Variants in ARHGAP12 observed in about 807,000 individuals in gnomAD.
ARHGAP12 encodes rho GTPase-activating protein 12.
A neutral mutation model predicts 108.6 loss-of-function variants in ARHGAP12; 64 were observed. The observed-to-expected ratio is 0.59, with a 90% CI of 0.48 to 0.73. The LOEUF (loss-of-function observed/expected upper bound fraction) is 0.73. Among genes scored for constraint, ARHGAP12 ranks in the 30% least tolerant of loss-of-function variants. The pLI is 0.00. For missense variants in ARHGAP12, 940 were observed against 1,005.9 expected, an observed-to-expected ratio of 0.93 and a Z score of 0.89; for synonymous variants, 312 against 337.2, an observed-to-expected ratio of 0.93 and a Z score of 0.82.
chr10:31,854,130 C>T lies in ARHGAP12; in HGVS notation c.1025G>A (p.Gly342Asp). ...ACGTTCATCCAACTCTTCTGACCAACCCCTTGGAGGAGAACCACACTGACT... is the reference window on the plus strand; with the variant it reads ...ACGTTCATCCAACTCTTCTGACCAATCCCTTGGAGGAGAACCACACTGACT... The part of the protein sequence containing the change: ...SDSQCGSPPR[G>D]WSEELDERGH... Residue 342 changes from glycine (G) to aspartate (D), a missense_variant, in exon 5 of 20, where the codon GGT becomes GAT. Physicochemically the swap from Gly to Asp is moderately conservative, Grantham distance 94. Coordinates refer to ENST00000344936, the MANE Select transcript of ARHGAP12 (RefSeq NM_018287.7). The T allele has an allele frequency of 6.2e-7, 1 of 1,613,942 alleles. No homozygotes were observed. The highest frequency in any genetic ancestry group is 1.1e-5 in the South Asian group (1 of 91,066).
intron 3 of ARHGAP12, among the ~76,000 whole-genome samples, chr10:31,889,922 G>A (rs1245843699): frequency 1.3e-5 from 2 of 151,686 alleles, no homozygotes; most frequent in Non-Finnish European, 2.9e-5. Context: ...ACTAAAACAA[G>A]CAGAAAAAAC....
chr10:31,819,843 TG>T (rs1401816092), intron 12 of ARHGAP12, among the ~76,000 whole-genome samples: 1 of 151,982 alleles, frequency 6.6e-6, no homozygotes, highest in Non-Finnish European at 1.5e-5. Context: ...GCAAACAAAA[TG>T]GTTCTTTTGT....
At chr10:31,895,247 A>G (rs1838629806) in intron 3 of ARHGAP12, among the ~76,000 whole-genome samples, 1 of 152,228 alleles carries the variant, frequency 6.6e-6, no homozygotes, top group South Asian at 2.1e-4. Context: ...AAATTGACAA[A>G]TGGGATCGAA....
Position 31,814,240 on chromosome 10 carries a change from T to C in ARHGAP12, c.1834+19A>G, listed in dbSNP as rs759690722. The C allele has an allele frequency of 7.5e-6, 12 of 1,591,586 alleles. No homozygotes were observed. The Admixed American group carries it at 1.3e-4, about 18-fold the overall frequency. ...GAACAAGCACAAATCCTTAGCAAAA[T>C]AGGGAAAGGACAACTTACAACGAAG... On this transcript the variant is annotated intron_variant, in intron 14 of 19. Coordinates refer to ENST00000344936, the MANE Select transcript of ARHGAP12 (RefSeq NM_018287.7).
intron 3 of ARHGAP12, among the ~76,000 whole-genome samples, chr10:31,868,159 G>A (rs904560457): frequency 6.6e-6 from 1 of 151,212 alleles, no homozygotes; most frequent in Non-Finnish European, 1.5e-5. Context: ...GATGGCGCCA[G>A]TGCACTCCAG....
intron 3 of ARHGAP12, among the ~76,000 whole-genome samples, chr10:31,881,907 G>A (rs896614985): frequency 3.4e-5 from 5 of 148,992 alleles, no homozygotes; most frequent in Non-Finnish European, 3.0e-5. Flanking sequence ...CAAAATTTTT[G>A]TTTAGATGTT....
chr10:31,903,123 T>C (rs1838994694), intron 3 of ARHGAP12, among the ~76,000 whole-genome samples: 1 of 152,210 alleles, frequency 6.6e-6, no homozygotes, highest in Non-Finnish European at 1.5e-5. Context: ...TTCTGAGAAA[T>C]GTAACAGTCA....
chr10:31,888,219 A>AACAACAACATGTCTCCCTTATTTGGGG (rs1838261358), intron 3 of ARHGAP12, among the ~76,000 whole-genome samples: 1 of 152,106 alleles, frequency 6.6e-6, no homozygotes, highest in Non-Finnish European at 1.5e-5. Flanking sequence ...TTATTCTGGG[A>AACAACAACATGTCTCCCTTATTTGGGG]ACAACAACAT....
At chr10:31,892,314 G>A (rs1338676190) in intron 3 of ARHGAP12, among the ~76,000 whole-genome samples, 2 of 152,078 alleles carry the variant, frequency 1.3e-5, no homozygotes, top group Non-Finnish European at 2.9e-5. Flanking sequence ...ACACAGACTG[G>A]CAAACTGGAT....
At chr10:31,876,327 G>C (rs1447099709) in intron 3 of ARHGAP12, among the ~76,000 whole-genome samples, 2 of 152,140 alleles carry the variant, frequency 1.3e-5, no homozygotes, top group Middle Eastern at 3.2e-3. Context: ...AGACCAGCCT[G>C]GCCAACATGG....
At chr10:31,840,931 A>G (rs908685037) in intron 7 of ARHGAP12, among the ~76,000 whole-genome samples, 8 of 152,132 alleles carry the variant, frequency 5.3e-5, no homozygotes, top group African/African-American at 1.9e-4. Flanking sequence ...TCACTTAAGT[A>G]TTTTTTTCTG....
intron 3 of ARHGAP12, among the ~76,000 whole-genome samples, chr10:31,881,758 A>G (rs1261735529): frequency 1.3e-5 from 2 of 152,232 alleles, no homozygotes; most frequent in Non-Finnish European, 2.9e-5. Context: ...AGTATTAGTA[A>G]TCATTTCTTA....
rs1238669052 is a variant in ARHGAP12, at chr10:31,902,959, GAAC to G, written c.684+5210_684+5212del. 2.6e-5 allele frequency among the ~76,000 whole-genome samples: 4 copies of G among 152,242 alleles called. No homozygotes were observed. In the East Asian group the frequency reaches 5.8e-4, roughly 22 times the overall value. ...ATCCAATCAAATGAAGGCCTGAATA[GAAC>G]AACAGACTGACCTACCTCAAGCAAA... On this transcript the variant is annotated intron_variant, in intron 3 of 19. Transcript: ENST00000344936.
At chr10:31,884,410 C>T (rs924470446) in intron 3 of ARHGAP12, among the ~76,000 whole-genome samples, 1 of 151,630 alleles carries the variant, frequency 6.6e-6, no homozygotes, top group Non-Finnish European at 1.5e-5. Flanking sequence ...CAATATTTTG[C>T]AATTTTTTTT....
rs555023040 is a variant in ARHGAP12 at position 31,817,450 on chromosome 10, C to T, written c.1731+338G>A. On this transcript the variant is annotated intron_variant, in intron 13 of 19. Transcript: ENST00000344936. The stretch of plus-strand genomic sequence containing the variant: ...TTCATAAGCTCGCCTCAGACTTCTT[C>T]CACCAAATAGTATTATTTCCAACTC... Among the ~76,000 whole-genome samples, 3 of 152,264 alleles carry T rather than the reference C, an allele frequency of 2.0e-5. No individual in the cohort carries two copies. In the East Asian group the frequency reaches 5.8e-4, roughly 29 times the overall value.
At chr10:31,840,789 T>C (rs1836235046) in intron 7 of ARHGAP12, among the ~76,000 whole-genome samples, 1 of 152,148 alleles carries the variant, frequency 6.6e-6, no homozygotes, top group Non-Finnish European at 1.5e-5. Flanking sequence ...CAGAAACTAG[T>C]AGCAGTGAAA....
At chr10:31,924,345 T>C (rs1839941956) in intron 1 of ARHGAP12, among the ~76,000 whole-genome samples, 1 of 152,108 alleles carries the variant, frequency 6.6e-6, no homozygotes, top group Non-Finnish European at 1.5e-5. Context: ...TAGGAAACAG[T>C]ACAAACCTCA....
intron 1 of ARHGAP12, among the ~76,000 whole-genome samples, chr10:31,911,251 T>G (rs760322168): frequency 4.6e-5 from 7 of 152,184 alleles, no homozygotes; most frequent in Non-Finnish European, 5.9e-5. Context: ...CTCGAACTCC[T>G]GACCTCAGGT....
chr10:31,921,454 G>C (rs887140843), intron 1 of ARHGAP12, among the ~76,000 whole-genome samples: 1 of 152,154 alleles, frequency 6.6e-6, no homozygotes, highest in Admixed American at 6.5e-5. Flanking sequence ...AGAAGGTAAA[G>C]AGGAGCAAAT....
Sources: gnomAD v4.1 joint callset for allele counts (sites outside exome capture counted in the v4.1 genomes callset) on GRCh38, gnomAD v4.1.1 for gene constraint, MANE v1.5 for transcripts, NCBI Gene and HGNC (gene_info 2026-07-23, HGNC 2026-07-21) for gene names.